TMEM217: variants seen among roughly 807,000 people sequenced by gnomAD.
The protein encoded by TMEM217 is transmembrane protein 217, also known as chromosome 6 open reading frame 128.
For synonymous variants in TMEM217, 76 were observed against 88.3 expected (o/e 0.86, Z 0.78); for missense variants, 204 against 248.8 (o/e 0.82, Z 1.21).
intron 1 of TMEM217, among the ~76,000 whole-genome samples, chr6:37,224,673 C>T (rs889782876): frequency 3.3e-5 from 5 of 151,906 alleles, no homozygotes; most frequent in Non-Finnish European, 7.4e-5. Flanking sequence ...CCAGGCTGGT[C>T]TCAAACTCCT....
chr6:37,250,260 G>C (rs1765325242), intron 1 of TMEM217, among the ~76,000 whole-genome samples: 1 of 152,218 alleles, frequency 6.6e-6, no homozygotes, highest in Non-Finnish European at 1.5e-5. Flanking sequence ...ATCTGAAAGA[G>C]AGAGAAAAGG....
chr6:37,254,955 T>C (rs981413571), intron 1 of TMEM217, among the ~76,000 whole-genome samples: 11 of 152,178 alleles, frequency 7.2e-5, no homozygotes, highest in Admixed American at 3.3e-4. Context: ...CCTAGATCCC[T>C]TGTATGAGCA....
chr6:37,232,951 C>A (rs1251177354), intron 1 of TMEM217, among the ~76,000 whole-genome samples: 12 of 152,210 alleles, frequency 7.9e-5, no homozygotes, highest in African/African-American at 2.9e-4. Flanking sequence ...AGACTGTTCT[C>A]ACTTTATACT....
At chr6:37,237,722 C>A (rs897029833) in intron 1 of TMEM217, among the ~76,000 whole-genome samples, 7 of 152,062 alleles carry the variant, frequency 4.6e-5, no homozygotes, top group African/African-American at 1.7e-4. Context: ...TAGCAACATA[C>A]AACAATATGG....
chr6:37,245,394 G>A (rs998799786), intron 1 of TMEM217, among the ~76,000 whole-genome samples: 4 of 152,218 alleles, frequency 2.6e-5, no homozygotes, highest in African/African-American at 9.6e-5. Context: ...TGCTGGCATT[G>A]CCCATTAGTG....
At chr6:37,252,613 GTGTGTATATATA>G (rs1562027746) in intron 1 of TMEM217, among the ~76,000 whole-genome samples, 14 of 90,000 alleles carry the variant, frequency 1.6e-4, no homozygotes, top group Admixed American at 2.7e-4. Context: ...GTGTGTATGT[GTGTGTATATATA>G]TATATATATA....
intron 1 of TMEM217, among the ~76,000 whole-genome samples, chr6:37,250,715 GTGTA>G (rs766433722): frequency 4.6e-5 from 7 of 152,240 alleles, no homozygotes; most frequent in African/African-American, 1.2e-4. Flanking sequence ...ACACACACAC[GTGTA>G]TGTATGTGTA....
chr6:37,244,296 C>T (rs1764944316), intron 1 of TMEM217, among the ~76,000 whole-genome samples: 1 of 152,250 alleles, frequency 6.6e-6, no homozygotes, highest in Non-Finnish European at 1.5e-5. Flanking sequence ...TGTCAGATTT[C>T]TCTTACTGTC....
intron 1 of TMEM217, among the ~76,000 whole-genome samples, chr6:37,230,668 C>A (rs566888206): frequency 1.1e-3 from 173 of 152,272 alleles, no homozygotes; most frequent in Non-Finnish European, 2.0e-3. Flanking sequence ...ACACCTTGAT[C>A]TCAGAATTCA....
exon 2 of TMEM217, chr6:37,218,302 G>T: frequency 8.5e-7 from 1 of 1,175,596 alleles, no homozygotes; most frequent in Non-Finnish European, 1.2e-6. Context: ...TCAAGTGGCT[G>T]GGATTACAGG....
exon 2 of TMEM217, chr6:37,218,872 A>G (rs1763370768): frequency 6.2e-7 from 1 of 1,614,080 alleles, no homozygotes; most frequent in African/African-American, 1.3e-5. Context: ...TTATGATGTT[A>G]CTTGCACCCC....
exon 4 of TMEM217, chr6:37,212,453 G>T (rs1297233896): frequency 2.3e-6 from 1 of 442,642 alleles, no homozygotes; most frequent in Non-Finnish European, 4.6e-6. Flanking sequence ...AGACGGACAG[G>T]TAGTCATGAG....
At chr6:37,214,948 C>T (rs1235812239), downstream of TMEM217, among the ~76,000 whole-genome samples, 1 of 152,192 alleles carries the variant, frequency 6.6e-6, no homozygotes, top group Non-Finnish European at 1.5e-5. Flanking sequence ...CAGCCACTAC[C>T]CATGGGGTAC....
exon 4 of TMEM217, chr6:37,212,393 C>G: frequency 2.6e-6 from 1 of 388,440 alleles, no homozygotes; most frequent in South Asian, 1.9e-5. Context: ...TCCCTCCCAC[C>G]TTTCCTGGCA....
downstream of TMEM217, among the ~76,000 whole-genome samples, chr6:37,216,167 C>T (rs1287989711): frequency 6.6e-6 from 1 of 152,146 alleles, no homozygotes; most frequent in African/African-American, 2.4e-5. Context: ...CAACCTCCAT[C>T]TCCCAAGTTC....
At chr6:37,212,537 A>G in exon 4 of TMEM217, 1 of 458,668 alleles carries the variant, frequency 2.2e-6, no homozygotes, top group South Asian at 1.5e-5. Flanking sequence ...TAAAGGTTGT[A>G]TGCATGCTTG....
At chr6:37,230,380 T>C (rs1764130612) in intron 1 of TMEM217, among the ~76,000 whole-genome samples, 1 of 152,190 alleles carries the variant, frequency 6.6e-6, no homozygotes, top group Non-Finnish European at 1.5e-5. Context: ...ATGGGCTGAA[T>C]TGTGCCCCTC....
chr6:37,255,782 A>T (rs940259975), intron 1 of TMEM217, among the ~76,000 whole-genome samples: 1 of 152,126 alleles, frequency 6.6e-6, no homozygotes, highest in Non-Finnish European at 1.5e-5. Flanking sequence ...TGCTGTAAGC[A>T]GGTGTGTGGT....
chr6:37,212,819 A>C (rs1214897949), downstream of TMEM217: 2 of 902,566 alleles, frequency 2.2e-6, no homozygotes, highest in African/African-American at 3.3e-5. Context: ...AACAGGGTCC[A>C]AGTGACTAGC....
Sources: gnomAD v4.1 joint callset for allele counts (sites outside exome capture counted in the v4.1 genomes callset) on GRCh38, gnomAD v4.1.1 for gene constraint, MANE v1.5 for transcripts, NCBI Gene and HGNC (gene_info 2026-07-23, HGNC 2026-07-21) for gene names.